Variants in PSMA1 observed in about 807,000 individuals in gnomAD.
PSMA1 encodes the protein proteasome 20S subunit alpha 1, also known as proteasome subunit alpha type-1.
Under a neutral mutation model 38.4 loss-of-function variants are expected in PSMA1, and 3 were observed. The observed-to-expected ratio is 0.08, with a 90% CI of 0.04 to 0.20. The LOEUF is 0.20. Ranked by LOEUF, PSMA1 falls within the 10% of genes least tolerant of loss-of-function variation. The probability of loss-of-function intolerance (pLI) is 1.00; values close to 1 mark genes in which losing one functional copy is unlikely to be tolerated. For synonymous variants in PSMA1, 101 were observed against 107.1 expected (o/e 0.94, Z 0.35); for missense variants, 227 against 325.3 (o/e 0.70, Z 2.32).
At chr11:14,505,586 A>G (rs1851232401) in intron 9 of PSMA1, among the ~76,000 whole-genome samples, 1 of 132,440 alleles carries the variant, frequency 7.6e-6, no homozygotes, top group African/African-American at 3.3e-5. Flanking sequence ...TTTAGGGTGA[A>G]GCTTTTTTTT....
At chr11:14,597,629 CTCTTT>C (rs928517948) in intron 2 of PSMA1, among the ~76,000 whole-genome samples, 17 of 151,998 alleles carry the variant, frequency 1.1e-4, no homozygotes, top group African/African-American at 4.1e-4. Context: ...TTTGATTCTT[CTCTTT>C]TCTTCTTTAT....
intron 1 of PSMA1, among the ~76,000 whole-genome samples, chr11:14,617,672 T>C (rs1852791045): frequency 1.4e-5 from 2 of 147,692 alleles, no homozygotes; most frequent in East Asian, 2.0e-4. Context: ...AATATATATA[T>C]ACATATATAT....
At chr11:14,626,792 G>A (rs1265224650) in intron 1 of PSMA1, among the ~76,000 whole-genome samples, 1 of 152,170 alleles carries the variant, frequency 6.6e-6, no homozygotes, top group African/African-American at 2.4e-5. Flanking sequence ...TCTTTTTTAG[G>A]ACAGCTCCTG....
intron 8 of PSMA1, 45 bp from the exon 9 acceptor site, chr11:14,507,811 G>A: frequency 8.3e-7 from 1 of 1,211,808 alleles, no homozygotes; most frequent in Non-Finnish European, 1.2e-6. Context: ...GAATTTGGAT[G>A]AAAAAATACA....
intron 2 of PSMA1, among the ~76,000 whole-genome samples, chr11:14,597,484 T>C (rs1462423668): frequency 1.3e-5 from 2 of 152,244 alleles, no homozygotes; most frequent in African/African-American, 4.8e-5. Flanking sequence ...AGGGTGTATG[T>C]GTCCAGGAAT....
At chr11:14,510,758 C>T (rs1261019856) in intron 8 of PSMA1, 114 bp downstream of exon 8, 5 of 606,002 alleles carry the variant, frequency 8.3e-6, no homozygotes. Context: ...AAAGAATCTG[C>T]CAAGACAATC....
At chr11:14,512,698 T>C (rs1207250395) in intron 7 of PSMA1, among the ~76,000 whole-genome samples, 1 of 152,198 alleles carries the variant, frequency 6.6e-6, no homozygotes, top group Non-Finnish European at 1.5e-5. Context: ...TCCTCTGGAC[T>C]GTATTTTTCC....
intron 2 of PSMA1, among the ~76,000 whole-genome samples, chr11:14,593,230 A>C (rs1282600711): frequency 6.6e-6 from 1 of 152,236 alleles, no homozygotes; most frequent in Non-Finnish European, 1.5e-5. Context: ...ATTTGAACAC[A>C]GGCATTTTGA....
At chr11:14,614,701 A>G (rs1054768094) in intron 1 of PSMA1, among the ~76,000 whole-genome samples, 2 of 152,178 alleles carry the variant, frequency 1.3e-5, no homozygotes, top group African/African-American at 2.4e-5. Context: ...TAGGTCATCC[A>G]GTTCTGTTCA....
intron 7 of PSMA1, among the ~76,000 whole-genome samples, chr11:14,512,748 G>A (rs563529950): frequency 2.1e-4 from 32 of 152,298 alleles, no homozygotes; most frequent in African/African-American, 7.2e-4. Flanking sequence ...ATTGTTAAAA[G>A]TCTTACCTGG....
chr11:14,614,422 T>C (rs1255806776), intron 1 of PSMA1, among the ~76,000 whole-genome samples: 2 of 152,070 alleles, frequency 1.3e-5, no homozygotes, highest in Non-Finnish European at 2.9e-5. Context: ...AAATAATGAA[T>C]TGTTCTTCTT....
intron 8 of PSMA1, among the ~76,000 whole-genome samples, chr11:14,510,669 T>C (rs2134143495): frequency 6.6e-6 from 1 of 152,266 alleles, no homozygotes; most frequent in South Asian, 2.1e-4. Context: ...TTGCATGAAA[T>C]TTACTGGTTT....
upstream of PSMA1, among the ~76,000 whole-genome samples, chr11:14,524,109 C>CAAA (rs71044009): frequency 4.2e-4 from 23 of 54,230 alleles, no homozygotes; most frequent in East Asian, 6.0e-4. Context: ...GACCCTGTCT[C>CAAA]AAAAAAAAAA....
At chr11:14,595,702 C>T (rs977401437) in intron 2 of PSMA1, among the ~76,000 whole-genome samples, 5 of 152,136 alleles carry the variant, frequency 3.3e-5, no homozygotes, top group African/African-American at 1.2e-4. Context: ...TTGACTGTTA[C>T]TCTGATGGTA....
chr11:14,625,886 AAC>A (rs1421582145), intron 1 of PSMA1, among the ~76,000 whole-genome samples: 27 of 152,304 alleles, frequency 1.8e-4, no homozygotes, highest in African/African-American at 6.3e-4. Context: ...GATACAAACT[AAC>A]ACAGTGCCAC....
intron 9 of PSMA1, 31 bp from the exon 10 acceptor site, chr11:14,505,279 T>G: frequency 6.4e-7 from 1 of 1,570,788 alleles, no homozygotes; most frequent in Non-Finnish European, 8.8e-7. Flanking sequence ...AGAAAATATG[T>G]AAAATGAACA....
At chr11:14,541,566 C>G (rs1589987645) in intron 2 of PSMA1, among the ~76,000 whole-genome samples, 1 of 152,188 alleles carries the variant, frequency 6.6e-6, no homozygotes, top group African/African-American at 2.4e-5. Flanking sequence ...AACTAATTGG[C>G]AGGGCTCTGG....
intron 1 of PSMA1, among the ~76,000 whole-genome samples, chr11:14,638,618 G>T (rs1853158235): frequency 3.0e-5 from 1 of 33,652 alleles, no homozygotes; most frequent in Non-Finnish European, 6.0e-5. Context: ...TTTTTTTTTG[G>T]TGCGCTCTGC....
intron 2 of PSMA1, among the ~76,000 whole-genome samples, chr11:14,592,404 T>A (rs952845260): frequency 3.4e-5 from 5 of 149,152 alleles, no homozygotes; most frequent in African/African-American, 1.2e-4. Flanking sequence ...ATTTTTTTTT[T>A]AGATGGAGTC....
Sources: gnomAD v4.1 joint callset for allele counts (sites outside exome capture counted in the v4.1 genomes callset) on GRCh38, gnomAD v4.1.1 for gene constraint, MANE v1.5 for transcripts, NCBI Gene and HGNC (gene_info 2026-07-23, HGNC 2026-07-21) for gene names.